CSGALNACT1: variants seen among roughly 807,000 people sequenced by gnomAD.
CSGALNACT1 encodes the protein chondroitin sulfate N-acetylgalactosaminyltransferase 1, also known as beta4GalNAcT-1.
CSGALNACT1 carries 52 observed loss-of-function variants against 51.0 expected under a neutral mutation model. The ratio of observed to expected loss-of-function variants is 1.02; its 90% CI spans 0.82 to 1.29. CSGALNACT1 has a LOEUF of 1.29. Ranked by LOEUF, CSGALNACT1 falls within the 50% of genes most tolerant of loss-of-function variation. CSGALNACT1 has a pLI of 0.00. For synonymous variants in CSGALNACT1, 341 were observed against 254.4 expected (o/e 1.34, Z -3.24); for missense variants, 935 against 679.2 (o/e 1.38, Z -4.19).
At chr8:19,516,892 C>A (rs1191686397) in intron 3 of CSGALNACT1, among the ~76,000 whole-genome samples, 1 of 152,196 alleles carries the variant, frequency 6.6e-6, no homozygotes, top group Non-Finnish European at 1.5e-5. Flanking sequence ...TCAAGTGCTG[C>A]CTTTGCTCCT....
chr8:19,526,062 TA>T (rs1322238703), intron 3 of CSGALNACT1, among the ~76,000 whole-genome samples: 11 of 152,114 alleles, frequency 7.2e-5, no homozygotes, highest in African/African-American at 2.7e-4. Flanking sequence ...TATTTTCAAA[TA>T]AAAAGTTAAA....
At chr8:19,536,278 G>A (rs1029738573) in intron 3 of CSGALNACT1, among the ~76,000 whole-genome samples, 1 of 152,060 alleles carries the variant, frequency 6.6e-6, no homozygotes, top group Admixed American at 6.6e-5. Context: ...GTAAAGGCAA[G>A]GGGTATATGG....
At chr8:19,716,634 A>AAAG (rs2062826848) in intron 1 of CSGALNACT1, among the ~76,000 whole-genome samples, 1 of 146,528 alleles carries the variant, frequency 6.8e-6, no homozygotes, top group Non-Finnish European at 1.5e-5. Context: ...AAAAAAAAAA[A>AAAG]AAAAAAAATT....
At position 19,424,347 on chromosome 8, in the gene CSGALNACT1, C is replaced by A. The variant is rs182866154; in HGVS notation, c.954-3829G>T. Among the ~76,000 whole-genome samples the A allele has an allele frequency of 2.2e-3, 339 of 152,250 alleles. 2 individuals are homozygous for A. The highest frequency in any genetic ancestry group is 4.0e-3 in the Non-Finnish European group (270 of 68,026). ...GTCCGTCTGAGGATGAATAATGGTACAATTTTCCTTCCTGATTCCTCAACC... is the reference window on the plus strand; with the variant it reads ...GTCCGTCTGAGGATGAATAATGGTAAAATTTTCCTTCCTGATTCCTCAACC... On this transcript the variant is annotated intron_variant, in intron 6 of 9. Coordinates refer to ENST00000454498, the Ensembl canonical transcript of CSGALNACT1.
intron 3 of CSGALNACT1, among the ~76,000 whole-genome samples, chr8:19,518,804 T>C (rs955837060): frequency 2.9e-4 from 44 of 152,294 alleles, no homozygotes; most frequent in African/African-American, 1.1e-3. Flanking sequence ...GCAGAGATGC[T>C]GAGTGTAGAC....
chr8:19,642,147 C>A (rs942619699), intron 1 of CSGALNACT1: 1 of 152,150 alleles, frequency 6.6e-6, no homozygotes, highest in Non-Finnish European at 1.5e-5. Context: ...TAGCTTTACA[C>A]AATTCCAAGA....
intron 3 of CSGALNACT1, among the ~76,000 whole-genome samples, chr8:19,562,286 G>T (rs1257940439): frequency 6.6e-6 from 1 of 152,140 alleles, no homozygotes; most frequent in Non-Finnish European, 1.5e-5. Flanking sequence ...AAATTCTTCA[G>T]GCTAAGGCAA....
At chr8:19,736,084 C>T (rs975181686) in intron 1 of CSGALNACT1, among the ~76,000 whole-genome samples, 5 of 152,076 alleles carry the variant, frequency 3.3e-5, no homozygotes, top group East Asian at 1.9e-4. Flanking sequence ...GGAAATAGTG[C>T]GATCACAACA....
chr8:19,462,373 T>C (rs967773847), intron 4 of CSGALNACT1, among the ~76,000 whole-genome samples: 2 of 152,138 alleles, frequency 1.3e-5, no homozygotes, highest in Non-Finnish European at 2.9e-5. Context: ...AGTCATTTAC[T>C]CAGAGGCAGG....
At chr8:19,496,856 C>G (rs2075568454) in intron 4 of CSGALNACT1, among the ~76,000 whole-genome samples, 1 of 152,136 alleles carries the variant, frequency 6.6e-6, no homozygotes, top group South Asian at 2.1e-4. Flanking sequence ...AGCTCTTTCT[C>G]CAGGAACCCC....
intron 5 of CSGALNACT1, chr8:19,457,625 A>G (rs1563499657): frequency 6.3e-6 from 8 of 1,260,974 alleles, no homozygotes; most frequent in Non-Finnish European, 8.3e-6. Context: ...AAAAAAAGAA[A>G]TAAAAAATCA....
Position 19,642,535 on chromosome 8 carries a change from C to G in CSGALNACT1, c.-544+39938G>C, listed in dbSNP as rs529562416. 1.7e-3 allele frequency among the ~76,000 whole-genome samples: 254 copies of G among 152,050 alleles called. 3 individuals carry two copies. Among genetic ancestry groups the G allele is most frequent in the African/African-American group, 5.9e-3 (245 of 41,500 alleles). The stretch of plus-strand genomic sequence containing the variant: ...CCTGTAATCCCAGGACTTTGGGAGG[C>G]CAAGGAGGGTGGATCACTTGAGCTC... On this transcript the variant is annotated intron_variant, in intron 1 of 9. Coordinates refer to the CSGALNACT1 transcript ENST00000332246.
intron 4 of CSGALNACT1, among the ~76,000 whole-genome samples, chr8:19,501,246 CAAAAAAAAAAAAA>C (rs35069773): frequency 6.0e-5 from 5 of 83,626 alleles, no homozygotes; most frequent in Admixed American, 1.4e-4. Context: ...GACTCCGTCT[CAAAAAAAAAAAAA>C]AAAAAAAAAA....
chr8:19,752,989 C>T (rs1007663142), intron 1 of CSGALNACT1, among the ~76,000 whole-genome samples: 1 of 152,156 alleles, frequency 6.6e-6, no homozygotes, highest in Non-Finnish European at 1.5e-5. Flanking sequence ...CTCAGCCATC[C>T]ATAACCTTGT....
At chr8:19,702,514 A>C (rs2061935885) in intron 1 of CSGALNACT1, among the ~76,000 whole-genome samples, 1 of 151,114 alleles carries the variant, frequency 6.6e-6, no homozygotes, top group Non-Finnish European at 1.5e-5. Context: ...TCTCTAAAAA[A>C]AAACTTAATT....
chr8:19,636,421 G>A (rs1026853477), intron 1 of CSGALNACT1, among the ~76,000 whole-genome samples: 1 of 152,008 alleles, frequency 6.6e-6, no homozygotes, highest in Non-Finnish European at 1.5e-5. Context: ...TGTTTAAGAG[G>A]AAACGACTGT....
intron 1 of CSGALNACT1, among the ~76,000 whole-genome samples, chr8:19,625,836 T>C (rs549002393): frequency 7.2e-5 from 11 of 152,184 alleles, no homozygotes; most frequent in Non-Finnish European, 1.3e-4. Context: ...TCCTGGGTAA[T>C]CTTGGGCAAG....
chr8:19,485,850 T>C (rs1289144492), intron 4 of CSGALNACT1, among the ~76,000 whole-genome samples: 2 of 126,394 alleles, frequency 1.6e-5, no homozygotes, highest in African/African-American at 5.9e-5. Context: ...CAGCACAACC[T>C]CTGCCTACCA....
At chr8:19,649,649 G>C (rs79640982) in intron 1 of CSGALNACT1, among the ~76,000 whole-genome samples, 4,169 of 151,368 alleles carry the variant, frequency 0.028, 93 homozygotes, top group Non-Finnish European at 0.04. Flanking sequence ...ATAATCAAAG[G>C]GGAATGATAA....
Sources: allele counts gnomAD v4.1 joint callset (sites outside exome capture counted in the v4.1 genomes callset), GRCh38; gene constraint gnomAD v4.1.1; transcripts MANE v1.5; gene names NCBI Gene and HGNC (gene_info 2026-07-23, HGNC 2026-07-21).